The following GRIN2A variants were observed in gnomAD, a reference collection of about 807,000 sequenced individuals.
GRIN2A encodes glutamate ionotropic receptor NMDA type subunit 2A.
A neutral mutation model predicts 113.4 loss-of-function variants in GRIN2A; 22 were observed. The ratio of observed to expected loss-of-function variants is 0.19; its 90% confidence interval spans 0.14 to 0.28. The LOEUF (loss-of-function observed/expected upper bound fraction) is 0.28, where lower values mean the gene tolerates loss of function less well. Among genes scored for constraint, GRIN2A ranks in the 10% least tolerant of loss-of-function variants. The probability of loss-of-function intolerance (pLI) is 1.00; values close to 1 mark genes in which losing one functional copy is unlikely to be tolerated. For synonymous variants in GRIN2A, 827 were observed against 738.4 expected, an observed-to-expected ratio of 1.12 and a Z score of -1.94; for missense variants, 1,502 against 1,887.0, an observed-to-expected ratio of 0.80 and a Z score of 3.78.
intron 3 of GRIN2A, among the ~76,000 whole-genome samples, chr16:9,934,753 C>T (rs1401033342): frequency 6.8e-6 from 1 of 146,800 alleles, no homozygotes; most frequent in African/African-American, 2.5e-5. Context: ...CTTTCTTTGG[C>T]CTTTCTCTAG....
chr16:9,883,819 T>G (rs1446863174), intron 4 of GRIN2A, among the ~76,000 whole-genome samples: 1 of 152,118 alleles, frequency 6.6e-6, no homozygotes, highest in African/African-American at 2.4e-5. Context: ...TGAAACCAAA[T>G]GTAAACAGAG....
At chr16:10,012,902 G>T (rs1045491501) in intron 2 of GRIN2A, among the ~76,000 whole-genome samples, 1 of 152,186 alleles carries the variant, frequency 6.6e-6, no homozygotes, top group Non-Finnish European at 1.5e-5. Flanking sequence ...TTTTAAGCCA[G>T]TAAGTTTGCG....
chr16:9,887,696 G>A (rs188970646), intron 4 of GRIN2A, among the ~76,000 whole-genome samples: 1 of 152,214 alleles, frequency 6.6e-6, no homozygotes, highest in East Asian at 1.9e-4. Flanking sequence ...AAATAACTAG[G>A]AGTAAAATTG....
At chr16:10,007,350 A>G (rs1317985533) in intron 2 of GRIN2A, among the ~76,000 whole-genome samples, 5 of 152,108 alleles carry the variant, frequency 3.3e-5, no homozygotes, top group Non-Finnish European at 7.4e-5. Context: ...AACTTATTGT[A>G]GTTTTGAATT....
intron 11 of GRIN2A, among the ~76,000 whole-genome samples, chr16:9,782,425 CTG>C (rs753953544): frequency 6.6e-6 from 1 of 152,154 alleles, no homozygotes; most frequent in Non-Finnish European, 1.5e-5. Flanking sequence ...TGAGGGACAA[CTG>C]TATATATAAT....
At position 10,180,645 on chromosome 16, in the gene GRIN2A, A is replaced by AT. The variant is rs1269558964; in HGVS notation, c.-18-217dup. On this transcript the variant is annotated intron_variant, in intron 1 of 12. Coordinates refer to ENST00000330684, the MANE Select transcript of GRIN2A (RefSeq NM_001134407.3). This position sits in a 1 kb window ranked among gnomAD's most constrained non-coding sequence, Gnocchi z 7.0. ...CAACTCCAATTCGAGCTAATTCTCC[A>AT]TCCCCCAGCCCCTTCTCGCATCCAG... 21 of 762,268 alleles carry AT rather than the reference A, an allele frequency of 2.8e-5. No individual in the cohort carries two copies. Among genetic ancestry groups the AT allele is most frequent in the Non-Finnish European group, 4.3e-5 (21 of 485,796 alleles). The allele number at this position is 762,268 out of a possible 1,614,324, so 47.2% of individuals were successfully genotyped here. A position where few individuals can be genotyped will look rare whatever the true frequency, so the allele number is the denominator to read the frequency against.
At chr16:9,942,784 T>C (rs2044915326) in intron 2 of GRIN2A, among the ~76,000 whole-genome samples, 1 of 152,120 alleles carries the variant, frequency 6.6e-6, no homozygotes, top group Non-Finnish European at 1.5e-5. Context: ...AGAGAAACCA[T>C]CCCTAATGTC....
At chr16:9,838,412 G>A (rs1213301706) in intron 7 of GRIN2A, among the ~76,000 whole-genome samples, 3 of 152,150 alleles carry the variant, frequency 2.0e-5, no homozygotes, top group South Asian at 4.1e-4. Context: ...CCCATCAACT[G>A]ATGATTGCAT....
rs1474882418 is a variant in GRIN2A at position 10,087,212 on chromosome 16, T to C, written c.414+92786A>G. Reference sequence around the variant, plus strand: ...CACATCTGTAAGAAAGGGACAATGATAATAATCACTACTATATCTACCGCA... The same window carrying C: ...CACATCTGTAAGAAAGGGACAATGACAATAATCACTACTATATCTACCGCA... On this transcript the variant is annotated intron_variant, in intron 2 of 12. Coordinates refer to ENST00000330684, the MANE Select transcript of GRIN2A (RefSeq NM_001134407.3). Among the ~76,000 whole-genome samples the C allele has an allele frequency of 2.0e-5, 3 of 152,368 alleles. No individual in the cohort carries two copies. The East Asian group carries it at 5.8e-4, about 29-fold the overall frequency.
intron 4 of GRIN2A, among the ~76,000 whole-genome samples, chr16:9,878,088 A>G (rs1054590400): frequency 5.3e-5 from 8 of 152,088 alleles, no homozygotes; most frequent in African/African-American, 1.7e-4. Context: ...ATTGATGGCA[A>G]TGGAAAACTA....
At chr16:9,997,262 G>C (rs148765082) in intron 2 of GRIN2A, among the ~76,000 whole-genome samples, 83 of 152,222 alleles carry the variant, frequency 5.5e-4, no homozygotes, top group African/African-American at 1.9e-3. Flanking sequence ...CAGGGAAAAG[G>C]CTGAGTCTAA....
In GRIN2A at chr16:9,798,414, C is replaced by G; in HGVS notation, c.2219G>C (p.Gly740Ala). The change falls in exon 11 of 13, where the codon GGG (glycine) becomes GCG (alanine). Residue 740 changes from glycine (G) to alanine (A), a missense_variant. Physicochemically the swap from Gly to Ala is moderately conservative, Grantham distance 60. Transcript: ENST00000330684. ...YDAAVLNYKA[G>A]RDEGCKLVTI... is the part of the protein sequence containing the mutation. ...CACCAGCTTGCAGCCTTCATCCCTCCCAGCCTTGTAATTCAAGACTGCGGC... is the reference window on the plus strand; with the variant it reads ...CACCAGCTTGCAGCCTTCATCCCTCGCAGCCTTGTAATTCAAGACTGCGGC... The G allele has an allele frequency of 6.2e-7, 1 of 1,614,082 alleles. No homozygotes were observed. The highest frequency in any genetic ancestry group is 8.5e-7 in the Non-Finnish European group (1 of 1,179,958).
At chr16:9,838,267 A>G (rs1203120546) in intron 7 of GRIN2A, among the ~76,000 whole-genome samples, 1 of 152,208 alleles carries the variant, frequency 6.6e-6, no homozygotes, top group Admixed American at 6.5e-5. Context: ...AAGTAGATCT[A>G]CCATTTGATC....
intron 10 of GRIN2A, among the ~76,000 whole-genome samples, chr16:9,799,964 A>ATATTATTATTATTAT (rs71400498): frequency 4.3e-4 from 65 of 149,702 alleles, no homozygotes; most frequent in African/African-American, 1.5e-3. Flanking sequence ...CTGTGCCTAA[A>ATATTATTATTATTAT]TATTATTATT....
chr16:10,026,252 C>G (rs929739595), intron 2 of GRIN2A, among the ~76,000 whole-genome samples: 7 of 152,274 alleles, frequency 4.6e-5, no homozygotes, highest in South Asian at 2.1e-4. Context: ...CAAGTCACGT[C>G]ACCTTCCTAA....
intron 7 of GRIN2A, among the ~76,000 whole-genome samples, chr16:9,837,554 C>CT (rs1281025255): frequency 1.3e-5 from 2 of 152,108 alleles, no homozygotes; most frequent in African/African-American, 2.4e-5. Flanking sequence ...AGATACAAGA[C>CT]TTTTTTGTGT....
In GRIN2A at chr16:9,753,883, A is replaced by G. The variant is rs1338505710; in HGVS notation, c.*9266T>C. 5.6e-6 allele frequency: 1 copy of G among 178,680 alleles called. No homozygotes were observed. Among genetic ancestry groups the G allele is most frequent in the African/African-American group, 2.4e-5 (1 of 42,316 alleles). 11.1% of individuals were successfully genotyped at this position (178,680 alleles called of 1,614,324 possible). On this transcript the variant is annotated 3_prime_UTR_variant, in exon 13 of 13. Coordinates refer to ENST00000330684, the MANE Select transcript of GRIN2A (RefSeq NM_001134407.3). ...ATTCTGTTTGAATGTAGCTGTGAAT[A>G]GAAACCCTCTGCATATGGAGTTCAA...
intron 2 of GRIN2A, among the ~76,000 whole-genome samples, chr16:9,941,328 C>CAG: frequency 6.6e-6 from 1 of 152,190 alleles, no homozygotes; most frequent in Non-Finnish European, 1.5e-5. Context: ...GGTCTGTGCA[C>CAG]AGAGCAAAGC....
chr16:10,058,726 T>A (rs187702972), intron 2 of GRIN2A, among the ~76,000 whole-genome samples: 1 of 152,366 alleles, frequency 6.6e-6, no homozygotes, highest in East Asian at 1.9e-4. Flanking sequence ...TGTTTAGGTA[T>A]TTATGTATTT....
Sources: gnomAD v4.1 joint callset for allele counts (sites outside exome capture counted in the v4.1 genomes callset) on GRCh38, gnomAD v4.1.1 for gene constraint, Gnocchi (gnomAD v3.1) non-coding constraint, MANE v1.5 for transcripts, NCBI Gene and HGNC (gene_info 2026-07-23, HGNC 2026-07-21) for gene names.